The following FLRT2 variants were observed in gnomAD, a reference collection of about 807,000 sequenced individuals.
FLRT2 encodes the protein leucine-rich repeat transmembrane protein FLRT2.
FLRT2 carries 15 observed loss-of-function variants against 40.0 expected under a neutral mutation model. That is an observed-to-expected ratio of 0.38 (90% CI 0.25 to 0.58). The LOEUF (loss-of-function observed/expected upper bound fraction) is 0.58. Among genes scored for constraint, FLRT2 ranks in the 20% least tolerant of loss-of-function variants. FLRT2 has a pLI of 0.71. For synonymous variants in FLRT2, 380 were observed against 336.8 expected (o/e 1.13, Z -1.41); for missense variants, 726 against 840.0 (o/e 0.86, Z 1.68).
At chr14:85,592,186 T>C (rs1239513659) in intron 1 of FLRT2, among the ~76,000 whole-genome samples, 1 of 152,004 alleles carries the variant, frequency 6.6e-6, no homozygotes, top group Non-Finnish European at 1.5e-5. Flanking sequence ...ATAAAGTTGG[T>C]TTTCTTGTGA....
intron 1 of FLRT2, among the ~76,000 whole-genome samples, chr14:85,546,134 T>C (rs1889267110): frequency 6.6e-6 from 1 of 152,196 alleles, no homozygotes; most frequent in African/African-American, 2.4e-5. Context: ...GAATTAGATT[T>C]TTGACCATCC....
chr14:85,623,263 G>T lies in FLRT2; in HGVS notation c.1749G>T (p.Arg583=). 3 of 1,515,734 alleles carry T rather than the reference G, an allele frequency of 2.0e-6. No homozygotes were observed. 93.9% of individuals were successfully genotyped at this position (1,515,734 alleles called of 1,614,324 possible). ...AGAAGTGGAAATACAACCGGGGCCGGCGGAAAGATGATTATTGCGAGGCAG... is the reference window on the plus strand; with the variant it reads ...AGAAGTGGAAATACAACCGGGGCCGTCGGAAAGATGATTATTGCGAGGCAG... ...TSQKWKYNRG[R]RKDDYCEAGT... Residue 583 remains arginine, a synonymous_variant, in exon 2 of 2, where the codon CGG becomes CGT. Transcript: ENST00000330753.
intron 1 of FLRT2, among the ~76,000 whole-genome samples, chr14:85,594,818 A>G (rs1412625245): frequency 1.3e-5 from 2 of 152,160 alleles, no homozygotes; most frequent in Non-Finnish European, 2.9e-5. Context: ...CCAGAATTTA[A>G]CTACTAATAG....
At chr14:85,547,590 G>A (rs1160038159) in intron 1 of FLRT2, among the ~76,000 whole-genome samples, 6 of 152,134 alleles carry the variant, frequency 3.9e-5, no homozygotes, top group Admixed American at 3.9e-4. Context: ...CCAAAGTGCT[G>A]GGATTATAGG....
intron 1 of FLRT2, among the ~76,000 whole-genome samples, chr14:85,557,269 G>A (rs1375198796): frequency 6.7e-6 from 1 of 150,084 alleles, no homozygotes; most frequent in East Asian, 2.0e-4. Flanking sequence ...TTTTTCTGAA[G>A]CTTTTTTTAA....
intron 1 of FLRT2, among the ~76,000 whole-genome samples, chr14:85,558,795 G>T (rs543130306): frequency 9.2e-5 from 14 of 152,212 alleles, no homozygotes; most frequent in Admixed American, 2.0e-4. Flanking sequence ...GAATGCTTTT[G>T]TATCATGCAT....
At chr14:85,617,849 C>T (rs1388685810) in intron 1 of FLRT2, among the ~76,000 whole-genome samples, 3 of 152,176 alleles carry the variant, frequency 2.0e-5, no homozygotes, top group Non-Finnish European at 2.9e-5. Context: ...AGCCGATCAA[C>T]ACATTGTGGT....
At chr14:85,590,756 C>T (rs1891846681) in intron 1 of FLRT2, among the ~76,000 whole-genome samples, 1 of 152,090 alleles carries the variant, frequency 6.6e-6, no homozygotes, top group African/African-American at 2.4e-5. Context: ...CACCACCATG[C>T]CTGGCTAATT....
intron 1 of FLRT2, among the ~76,000 whole-genome samples, chr14:85,581,913 A>C (rs1447355379): frequency 1.3e-5 from 2 of 152,140 alleles, no homozygotes; most frequent in African/African-American, 4.8e-5. Context: ...ATGTCATTTC[A>C]TTTCAACTTG....
intron 1 of FLRT2, among the ~76,000 whole-genome samples, chr14:85,550,735 ATT>A (rs11354305): frequency 1.3e-5 from 2 of 151,908 alleles, no homozygotes; most frequent in Admixed American, 6.6e-5. Context: ...TATAGAACAC[ATT>A]TTTTTTAACT....
intron 1 of FLRT2, among the ~76,000 whole-genome samples, chr14:85,544,707 G>C (rs1164283411): frequency 6.6e-6 from 1 of 152,122 alleles, no homozygotes; most frequent in African/African-American, 2.4e-5. Flanking sequence ...AATTTATATG[G>C]TTTAATGTGT....
chr14:85,541,108 T>C (rs546314676), intron 1 of FLRT2, among the ~76,000 whole-genome samples: 2 of 152,198 alleles, frequency 1.3e-5, no homozygotes, highest in South Asian at 4.1e-4. Flanking sequence ...TAGTTTTTAA[T>C]TGGTGATTTT....
chr14:85,646,350 T>G lies in FLRT2; in HGVS notation c.*22853T>G, dbSNP rs1894303699. The G allele has an allele frequency of 6.6e-6, 1 of 152,186 alleles. No homozygotes were observed. Among genetic ancestry groups the G allele is most frequent in the South Asian group, 2.1e-4 (1 of 4,832 alleles). The allele number at this position is 152,186 out of a possible 1,614,324, so 9.4% of individuals were successfully genotyped here. ...TTTTTGTCTGTAGTTAAATGTGATG[T>G]GAGGAAATACCAAAGCTCATGGTAA... On this transcript the variant is annotated 3_prime_UTR_variant, in exon 2 of 2. Coordinates refer to ENST00000330753, the MANE Select transcript of FLRT2 (RefSeq NM_013231.6).
chr14:85,585,149 G>A (rs1036176924), intron 1 of FLRT2, among the ~76,000 whole-genome samples: 1 of 152,124 alleles, frequency 6.6e-6, no homozygotes, highest in South Asian at 2.1e-4. Flanking sequence ...TACAAGGTTG[G>A]AGGTGGGAAT....
intron 1 of FLRT2, among the ~76,000 whole-genome samples, chr14:85,557,675 G>T (rs539487422): frequency 5.2e-4 from 79 of 152,180 alleles, no homozygotes; most frequent in Non-Finnish European, 9.4e-4. Context: ...AAATTAGCCG[G>T]GTGTGGTGGC....
At chr14:85,577,735 C>T (rs1222098068) in intron 1 of FLRT2, among the ~76,000 whole-genome samples, 4 of 152,034 alleles carry the variant, frequency 2.6e-5, no homozygotes, top group African/African-American at 9.6e-5. Context: ...TACAGGAGTG[C>T]AACACTGCAC....
At chr14:85,530,818 C>A (rs1177353783) in intron 1 of FLRT2, among the ~76,000 whole-genome samples, 1 of 152,102 alleles carries the variant, frequency 6.6e-6, no homozygotes, top group Non-Finnish European at 1.5e-5. Flanking sequence ...CTGGTAGATG[C>A]ATCGATGCTA....
chr14:85,613,058 A>G (rs1892964288), intron 1 of FLRT2, among the ~76,000 whole-genome samples: 1 of 152,098 alleles, frequency 6.6e-6, no homozygotes, highest in South Asian at 2.1e-4. Flanking sequence ...ATATTGGCCT[A>G]TTTTACGTTG....
chr14:85,632,954 G>A lies in FLRT2; in HGVS notation c.*9457G>A, dbSNP rs930579429. 2.6e-5 allele frequency: 4 copies of A among 152,174 alleles called. No homozygotes were observed. The highest frequency in any genetic ancestry group is 9.7e-5 in the African/African-American group (4 of 41,430). The allele number at this position is 152,174 out of a possible 1,614,324, so 9.4% of individuals were successfully genotyped here. A position where few individuals can be genotyped will look rare whatever the true frequency, so the allele number is the denominator to read the frequency against. On this transcript the variant is annotated 3_prime_UTR_variant, in exon 2 of 2. Transcript: ENST00000330753. The stretch of plus-strand genomic sequence containing the variant: ...CATATGGTGGTTGTCAGAATTAAAG[G>A]CATATATAGTAGTTGACAGAGTATC...
Sources: allele counts gnomAD v4.1 joint callset (sites outside exome capture counted in the v4.1 genomes callset), GRCh38; gene constraint gnomAD v4.1.1; transcripts MANE v1.5; gene names NCBI Gene and HGNC (gene_info 2026-07-23, HGNC 2026-07-21).